ALX4: variants seen among roughly 807,000 people sequenced by gnomAD.
ALX4 encodes ALX homeobox 4.
Under a neutral mutation model 40.6 loss-of-function variants are expected in ALX4, and 22 were observed. That is an observed-to-expected ratio of 0.54 (90% CI 0.39 to 0.77). The LOEUF is 0.77. Ranked by LOEUF, ALX4 falls within the 30% of genes least tolerant of loss-of-function variation. ALX4 has a pLI of 0.00. For missense variants in ALX4, 556 were observed against 564.8 expected, an observed-to-expected ratio of 0.98 and a Z score of 0.16; for synonymous variants, 266 against 240.5, an observed-to-expected ratio of 1.11 and a Z score of -0.98.
At chr11:44,281,660 G>C (rs1956311136) in intron 1 of ALX4, among the ~76,000 whole-genome samples, 1 of 152,030 alleles carries the variant, frequency 6.6e-6, no homozygotes, top group Non-Finnish European at 1.5e-5. Context: ...TAAACCCACT[G>C]CTGTCCAAAC....
chr11:44,265,666 G>A lies in ALX4; in HGVS notation c.907-483C>T, dbSNP rs572743861. On this transcript the variant is annotated intron_variant, in intron 3 of 3. Coordinates refer to ENST00000652299, the MANE Select transcript of ALX4 (RefSeq NM_021926.4). ...CCCACCAGTAGCAGGGAAGATGGAG[G>A]GGTTGGGTGAGGTGGGCGGCAGGGA... Among the ~76,000 whole-genome samples, 9 of 152,256 alleles carry A rather than the reference G, an allele frequency of 5.9e-5. No individual in the cohort carries two copies. The South Asian group carries it at 1.7e-3, about 28-fold the overall frequency.
At chr11:44,283,870 T>G (rs1956323722) in intron 1 of ALX4, among the ~76,000 whole-genome samples, 1 of 152,186 alleles carries the variant, frequency 6.6e-6, no homozygotes, top group Non-Finnish European at 1.5e-5. Flanking sequence ...ATATTAGGTA[T>G]TTATTTGTTC....
Position 44,309,705 on chromosome 11 carries a change from G to A in ALX4, c.358C>T (p.Pro120Ser). 1 of 1,583,114 alleles carries A rather than the reference G, an allele frequency of 6.3e-7. No homozygotes were observed. The highest frequency in any genetic ancestry group is 8.6e-7 in the Non-Finnish European group (1 of 1,167,176). ...GCGCCTCGCTGCAAGTAAAGATGCG[G>A]TTGCGCGGGCGGCTGGGGCTGCGGC... ...QQPQPQPPAQ[P>S]HLYLQRGACK... is the part of the protein sequence containing the mutation. Residue 120 changes from proline (P) to serine (S), a missense_variant, in exon 1 of 4, where the codon CCG becomes TCG. Pro to Ser is a moderately conservative substitution (Grantham distance 74). Coordinates refer to ENST00000652299, the MANE Select transcript of ALX4 (RefSeq NM_021926.4).
At chr11:44,299,546 G>T (rs12286190) in intron 1 of ALX4, among the ~76,000 whole-genome samples, 1 of 152,002 alleles carries the variant, frequency 6.6e-6, no homozygotes, top group Non-Finnish European at 1.5e-5. Context: ...ATTTTTGGTA[G>T]AGACAGGGTT....
intron 1 of ALX4, among the ~76,000 whole-genome samples, chr11:44,290,695 G>A (rs974638775): frequency 6.6e-6 from 1 of 152,220 alleles, no homozygotes; most frequent in Non-Finnish European, 1.5e-5. Flanking sequence ...CCGACTAAAG[G>A]AGATTATTAA....
chr11:44,302,567 C>G (rs910841127), intron 1 of ALX4, among the ~76,000 whole-genome samples: 4 of 152,196 alleles, frequency 2.6e-5, no homozygotes, highest in Non-Finnish European at 5.9e-5. Context: ...GAAGGTCCGC[C>G]CAGGGAAGGT....
chr11:44,303,316 C>T (rs1484337331), intron 1 of ALX4, among the ~76,000 whole-genome samples: 1 of 152,242 alleles, frequency 6.6e-6, no homozygotes, highest in East Asian at 1.9e-4. Context: ...TCTCTGCCCC[C>T]AATGTGCAGC....
At chr11:44,309,081 C>A (rs553814878) in intron 1 of ALX4, among the ~76,000 whole-genome samples, 55 of 151,748 alleles carry the variant, frequency 3.6e-4, no homozygotes, top group Non-Finnish European at 6.2e-4. Flanking sequence ...GCACCTGCGG[C>A]GCTCTCACCT....
chr11:44,279,288 ATT>A (rs1956295491), intron 1 of ALX4, among the ~76,000 whole-genome samples: 1 of 152,154 alleles, frequency 6.6e-6, no homozygotes, highest in Non-Finnish European at 1.5e-5. Context: ...CCCTGCGGAC[ATT>A]GGGAGGCTAC....
At position 44,275,468 on chromosome 11, in the gene ALX4, G is replaced by T. The variant is rs948519420; in HGVS notation, c.657C>A (p.Thr219=). The change falls in exon 2 of 4, where the codon ACC becomes ACA. Residue 219 remains threonine, a synonymous_variant. Coordinates refer to ENST00000652299, the MANE Select transcript of ALX4 (RefSeq NM_021926.4). Reference sequence around the variant, plus strand: ...CCTCCAGCTGGTAGCTGGTGAAGGTGGTCCGGTTCCGCCGCTTCTTGCCCT... The same window carrying T: ...CCTCCAGCTGGTAGCTGGTGAAGGTTGTCCGGTTCCGCCGCTTCTTGCCCT... The part of the protein sequence containing the change: ...SNKGKKRRNR[T]TFTSYQLEEL... 1 of 1,613,898 alleles carries T rather than the reference G, an allele frequency of 6.2e-7. No individual in the cohort carries two copies. The highest frequency in any genetic ancestry group is 8.5e-7 in the Non-Finnish European group (1 of 1,179,882).
intron 2 of ALX4, among the ~76,000 whole-genome samples, chr11:44,267,823 G>A (rs898971708): frequency 6.6e-6 from 1 of 152,178 alleles, no homozygotes; most frequent in Non-Finnish European, 1.5e-5. Flanking sequence ...AGCTGGGAAG[G>A]TATCTTACCC....
rs1350250146 is a variant in ALX4, at chr11:44,261,650, G to A, written c.*3204C>T. 5.3e-5 allele frequency: 8 copies of A among 152,216 alleles called. No homozygotes were observed. 9.4% of individuals were successfully genotyped at this position (152,216 alleles called of 1,614,324 possible). A position where few individuals can be genotyped will look rare whatever the true frequency, so the allele number is the denominator to read the frequency against. On this transcript the variant is annotated 3_prime_UTR_variant, in exon 4 of 4. Coordinates refer to ENST00000652299, the MANE Select transcript of ALX4 (RefSeq NM_021926.4). ...TCTGGAGGGCAGTAGCAGCACCTTA[G>A]TGTCAAGCCTTGCCATGCTGAGACC...
intron 1 of ALX4, among the ~76,000 whole-genome samples, chr11:44,276,820 A>G (rs368217476): frequency 2.6e-5 from 4 of 152,176 alleles, no homozygotes; most frequent in African/African-American, 7.2e-5. Context: ...CATGGTTCAC[A>G]GTAGGATTCA....
intron 1 of ALX4, among the ~76,000 whole-genome samples, chr11:44,287,307 C>G (rs943844750): frequency 6.6e-6 from 1 of 151,946 alleles, no homozygotes; most frequent in Non-Finnish European, 1.5e-5. Flanking sequence ...AACAAACAAA[C>G]AAACTAAACA....
chr11:44,263,087 C>G lies in ALX4; in HGVS notation c.*1767G>C, dbSNP rs1417596551. On this transcript the variant is annotated 3_prime_UTR_variant, in exon 4 of 4. Transcript: ENST00000652299. Reference sequence around the variant, plus strand: ...CTGGTTTCTAGAGCAGATGAGAACACCAGGCAGGCGGGAGACTGTCACCCC... The same window carrying G: ...CTGGTTTCTAGAGCAGATGAGAACAGCAGGCAGGCGGGAGACTGTCACCCC... 2 of 152,210 alleles carry G rather than the reference C, an allele frequency of 1.3e-5. No homozygotes were observed. The highest frequency in any genetic ancestry group is 2.9e-5 in the Non-Finnish European group (2 of 68,050). 9.4% of individuals were successfully genotyped at this position (152,210 alleles called of 1,614,324 possible).
At position 44,287,385 on chromosome 11, in the gene ALX4, A is replaced by G. The variant is rs182849031; in HGVS notation, c.467-11727T>C. 3.5e-3 allele frequency among the ~76,000 whole-genome samples: 535 copies of G among 152,258 alleles called. 3 individuals carry two copies. Among genetic ancestry groups the G allele is most frequent in the Middle Eastern group, 0.034 (10 of 294 alleles). ...TCTATTATGCCACCAGTAGGGTTCC[A>G]GCCTCTTTACAACCGCCAGGTTTCC... is the stretch of plus-strand genomic sequence containing the variant. On this transcript the variant is annotated intron_variant, in intron 1 of 3. Transcript: ENST00000652299.
chr11:44,265,258 A>C (rs2135305673), intron 3 of ALX4, 75 bp from the exon 4 acceptor site: 2 of 1,341,282 alleles, frequency 1.5e-6, no homozygotes, highest in South Asian at 2.9e-5. Context: ...CTTCCCCCAG[A>C]GCACCTCTCC....
At chr11:44,266,297 G>A (rs1956213552) in intron 3 of ALX4, among the ~76,000 whole-genome samples, 1 of 152,188 alleles carries the variant, frequency 6.6e-6, no homozygotes, top group Non-Finnish European at 1.5e-5. Flanking sequence ...TCAGGCAGCA[G>A]AGCTCAAAGC....
At chr11:44,305,783 G>A (rs935687514) in intron 1 of ALX4, among the ~76,000 whole-genome samples, 6 of 152,266 alleles carry the variant, frequency 3.9e-5, no homozygotes, top group African/African-American at 1.4e-4. Flanking sequence ...CGCTGCTTTT[G>A]CGGGTGGGTG....
Sources: allele counts gnomAD v4.1 joint callset (sites outside exome capture counted in the v4.1 genomes callset), GRCh38; gene constraint gnomAD v4.1.1; transcripts MANE v1.5; gene names NCBI Gene and HGNC (gene_info 2026-07-23, HGNC 2026-07-21).